FOXN3: variants seen among roughly 807,000 people sequenced by gnomAD.
FOXN3 encodes the protein forkhead box N3.
In FOXN3, 7 loss-of-function variants were observed where a neutral mutation model predicts 38.4. The observed-to-expected ratio is 0.18, with a 90% CI of 0.10 to 0.34. The LOEUF is 0.34. FOXN3 is among the 10% of genes least tolerant of loss of function. The pLI, the probability that FOXN3 is intolerant of heterozygous loss-of-function variation, is 1.00. For synonymous variants in FOXN3, 230 were observed against 242.2 expected (o/e 0.95, Z 0.47); for missense variants, 456 against 613.4 (o/e 0.74, Z 2.71).
chr14:89,598,126 A>G (rs1308992857), intron 1 of FOXN3, among the ~76,000 whole-genome samples: 1 of 152,148 alleles, frequency 6.6e-6, no homozygotes, highest in Non-Finnish European at 1.5e-5. Flanking sequence ...CTTATCAATG[A>G]CAACACAACT....
chr14:89,523,660 C>T (rs1299461969), intron 1 of FOXN3, among the ~76,000 whole-genome samples: 2 of 152,110 alleles, frequency 1.3e-5, no homozygotes, highest in Non-Finnish European at 2.9e-5. Context: ...AAAATGAAAA[C>T]ACAACATACT....
At chr14:89,506,556 C>T (rs1198811928) in intron 1 of FOXN3, among the ~76,000 whole-genome samples, 1 of 151,798 alleles carries the variant, frequency 6.6e-6, no homozygotes, top group Non-Finnish European at 1.5e-5. Flanking sequence ...TGAGGGGCGC[C>T]TCTGCCCGGC....
chr14:89,312,705 C>T (rs1887594376), intron 3 of FOXN3, among the ~76,000 whole-genome samples: 2 of 152,160 alleles, frequency 1.3e-5, no homozygotes, highest in South Asian at 4.1e-4. Context: ...AGCTGGTAGA[C>T]CCTGGGAAAG....
At chr14:89,258,820 A>G (rs1232994583) in intron 4 of FOXN3, among the ~76,000 whole-genome samples, 1 of 152,230 alleles carries the variant, frequency 6.6e-6, no homozygotes, top group Non-Finnish European at 1.5e-5. Flanking sequence ...GAATGTGCCC[A>G]GGTCTTTTCC....
chr14:89,474,309 G>A (rs1379050582), intron 1 of FOXN3, among the ~76,000 whole-genome samples: 2 of 152,132 alleles, frequency 1.3e-5, no homozygotes. Context: ...AAAAAGACAT[G>A]ACCAACCAAT....
chr14:89,485,953 C>T (rs1893435607), intron 1 of FOXN3, among the ~76,000 whole-genome samples: 1 of 152,176 alleles, frequency 6.6e-6, no homozygotes, highest in South Asian at 2.1e-4. Flanking sequence ...ATGAATTCTT[C>T]CCTAATTATT....
chr14:89,542,030 G>A (rs530168907), intron 1 of FOXN3, among the ~76,000 whole-genome samples: 4 of 152,162 alleles, frequency 2.6e-5, no homozygotes, highest in African/African-American at 7.2e-5. Flanking sequence ...GGGCGAGTCC[G>A]AAGTGCAAAG....
chr14:89,591,368 A>C (rs1160778091), intron 1 of FOXN3, among the ~76,000 whole-genome samples: 1 of 152,178 alleles, frequency 6.6e-6, no homozygotes, highest in African/African-American at 2.4e-5. Context: ...CCAGGTTTAC[A>C]TCCCCTACAC....
chr14:89,228,738 G>T (rs1338432958), intron 4 of FOXN3, among the ~76,000 whole-genome samples: 1 of 152,198 alleles, frequency 6.6e-6, no homozygotes, highest in Admixed American at 6.5e-5. Flanking sequence ...TTTCCTGACA[G>T]AGGACTTGTT....
intron 1 of FOXN3, among the ~76,000 whole-genome samples, chr14:89,559,944 T>C (rs959773819): frequency 2.0e-5 from 3 of 152,086 alleles, no homozygotes; most frequent in Admixed American, 6.5e-5. Flanking sequence ...GAACCAGTAG[T>C]GAGCTGTGTT....
chr14:89,351,072 CAATAA>C (rs1888950031), intron 2 of FOXN3: 3 of 256,526 alleles, frequency 1.2e-5, no homozygotes, highest in Non-Finnish European at 2.2e-5. Flanking sequence ...CCCAAACTAC[CAATAA>C]AATGAGAATC....
chr14:89,349,939 A>T (rs189623253), intron 3 of FOXN3, among the ~76,000 whole-genome samples: 1 of 152,316 alleles, frequency 6.6e-6, no homozygotes, highest in Non-Finnish European at 1.5e-5. Flanking sequence ...ATTTTTTTGT[A>T]GAACTGAGGA....
At chr14:89,348,130 T>C (rs1041116074) in intron 3 of FOXN3, among the ~76,000 whole-genome samples, 2 of 151,884 alleles carry the variant, frequency 1.3e-5, no homozygotes, top group Non-Finnish European at 2.9e-5. Context: ...CTGCAAGTCC[T>C]AGCAATAACC....
At chr14:89,439,856 G>A (rs891486858) in intron 1 of FOXN3, among the ~76,000 whole-genome samples, 14 of 151,800 alleles carry the variant, frequency 9.2e-5, no homozygotes, top group South Asian at 6.2e-4. Flanking sequence ...GGGTTTCACC[G>A]TGTTAGCCAG....
At chr14:89,481,180 T>G (rs985863242) in intron 1 of FOXN3, among the ~76,000 whole-genome samples, 1 of 152,036 alleles carries the variant, frequency 6.6e-6, no homozygotes, top group African/African-American at 2.4e-5. Context: ...CCTGTTTGGA[T>G]TCTCTGCACA....
chr14:89,578,045 C>T (rs1895670925), intron 1 of FOXN3, among the ~76,000 whole-genome samples: 2 of 152,154 alleles, frequency 1.3e-5, no homozygotes, highest in Non-Finnish European at 2.9e-5. Flanking sequence ...GTGACCAACC[C>T]ACAGCTCTTC....
chr14:89,359,615 T>C (rs1289054402), intron 2 of FOXN3, among the ~76,000 whole-genome samples: 1 of 152,142 alleles, frequency 6.6e-6, no homozygotes, highest in Non-Finnish European at 1.5e-5. Context: ...AAGAAGGACA[T>C]GGGACTTTGA....
Position 89,417,083 on chromosome 14 carries a change from G to A in FOXN3, c.-227C>T, listed in dbSNP as rs1436027608. 7 of 143,890 alleles carry A rather than the reference G, an allele frequency of 4.9e-5. No individual in the cohort carries two copies. Among genetic ancestry groups the A allele is most frequent in the Non-Finnish European group, 1.1e-4 (7 of 64,888 alleles). The allele number at this position is 143,890 out of a possible 1,614,324, so 8.9% of individuals were successfully genotyped here. ...CGCGGCGCGGCATGGGACCTGCGGC[G>A]TCCGCCGGGCGCGCCGCGCGTCCTC... On this transcript the variant is annotated 5_prime_UTR_variant, in exon 1 of 6. In the 5' UTR this introduces an upstream ATG that the reference lacks. Coordinates refer to ENST00000557258, the MANE Select transcript of FOXN3 (RefSeq NM_005197.4).
chr14:89,192,185 A>G (rs1299222625), intron 4 of FOXN3, among the ~76,000 whole-genome samples: 3 of 146,878 alleles, frequency 2.0e-5, no homozygotes, highest in Non-Finnish European at 4.5e-5. Context: ...ATATTAATAT[A>G]TTAACTACAA....
Sources: allele counts gnomAD v4.1 joint callset (sites outside exome capture counted in the v4.1 genomes callset), GRCh38; gene constraint gnomAD v4.1.1; transcripts MANE v1.5; gene names NCBI Gene and HGNC (gene_info 2026-07-23, HGNC 2026-07-21).